Variants in FHOD1 observed in about 807,000 individuals in gnomAD.
FHOD1 encodes the protein FH1/FH2 domain-containing protein 1.
FHOD1 carries 89 observed loss-of-function variants against 111.6 expected under a neutral mutation model. The ratio of observed to expected loss-of-function variants is 0.80; its 90% CI spans 0.67 to 0.95. FHOD1 has a LOEUF of 0.95. FHOD1 is among the 40% of genes least tolerant of loss of function. FHOD1 has a pLI of 0.00. For missense variants in FHOD1, 1,446 were observed against 1,554.2 expected, an observed-to-expected ratio of 0.93 and a Z score of 1.17; for synonymous variants, 618 against 639.0, an observed-to-expected ratio of 0.97 and a Z score of 0.50.
At position 67,236,721 on chromosome 16, in the gene FHOD1, G is replaced by A. The variant is rs1200957869; in HGVS notation, c.1155C>T (p.Pro385=). 2 of 1,551,174 alleles carry A rather than the reference G, an allele frequency of 1.3e-6. No homozygotes were observed. Among genetic ancestry groups the A allele is most frequent in the African/African-American group, 1.4e-5 (1 of 73,426 alleles). ...AAGAGGTGGGGCCTACCGGTGAGGCGGGGCCTGTGGGGCTGAAAGCAGGGG... is the reference window on the plus strand; with the variant it reads ...AAGAGGTGGGGCCTACCGGTGAGGCAGGGCCTGTGGGGCTGAAAGCAGGGG... ...ARAPEPGPTG[P]ASPVGPTSST... Residue 385 remains proline (P), a synonymous_variant, in exon 11 of 22, where the codon CCC becomes CCT. Coordinates refer to ENST00000258201, the MANE Select transcript of FHOD1 (RefSeq NM_013241.3).
Position 67,230,341 on chromosome 16 carries a change from G to C in FHOD1, c.3024C>G (p.Asn1008Lys), listed in dbSNP as rs747184984. The C allele has an allele frequency of 3.7e-6, 6 of 1,614,136 alleles. No individual in the cohort carries two copies. The Admixed American group carries it at 8.3e-5, about 22-fold the overall frequency. Residue 1008 changes from asparagine (N) to lysine (K), a missense_variant, in exon 19 of 22, where the codon AAC becomes AAG. Around this residue, in one of 3 missense-constraint regions of FHOD1, gnomAD observed 1,085 missense variants for 1,108.8 expected, o/e 0.98. Coordinates refer to ENST00000258201, the MANE Select transcript of FHOD1 (RefSeq NM_013241.3). ...CGGTGATCATGCGTCCCCGGGTCTT[G>C]TTGCGCTCACGGTATGTGGCCTGCT... ...QQKQATYRER[N>K]KTRGRMITET...
rs1466130979 is a variant in FHOD1 at position 67,229,699 on chromosome 16, A to T, written c.3432T>A (p.Ser1144Arg). 6 of 1,613,938 alleles carry T rather than the reference A, an allele frequency of 3.7e-6. No homozygotes were observed. The highest frequency in any genetic ancestry group is 1.1e-5 in the South Asian group (1 of 91,068). The change falls in exon 22 of 22, where the codon AGT becomes AGA. Residue 1144 changes from serine to arginine, a missense_variant. By Grantham distance (110) the Ser-to-Arg change is moderately radical. Coordinates refer to ENST00000258201, the MANE Select transcript of FHOD1 (RefSeq NM_013241.3). ...NRKSLRRTLK[S>R]GLGDDLVQAL... ...CCTGCACCAGGTCATCTCCGAGCCC[A>T]CTCTTCAACGTCCTTCTCACTGCAG...
In FHOD1 at chr16:67,234,401, T is replaced by C. The variant is rs2034403086; in HGVS notation, c.1391A>G (p.Glu464Gly). Reference sequence around the variant, plus strand: ...ATTGGGCATGGCCCCGGCAAGTGTCTCTGCCCGGCCCTGGGCCAGCGCAAC... The same window carrying C: ...ATTGGGCATGGCCCCGGCAAGTGTCCCTGCCCGGCCCTGGGCCAGCGCAAC... ...KQVALAQGRA[E>G]TLAGAMPNEA... Residue 464 changes from glutamate to glycine, a missense_variant, in exon 12 of 22, where the codon GAG becomes GGG. By Grantham distance (98) the Glu-to-Gly change is moderately conservative. Transcript: ENST00000258201. 3 of 1,610,138 alleles carry C rather than the reference T, an allele frequency of 1.9e-6. No individual in the cohort carries two copies. The highest frequency in any genetic ancestry group is 2.7e-5 in the African/African-American group (2 of 74,884).
Position 67,230,600 on chromosome 16 carries a change from C to G in FHOD1, c.2858+1G>C. 6.2e-7 allele frequency: 1 copy of G among 1,614,108 alleles called. No individual in the cohort carries two copies. On this transcript the variant is annotated splice_donor_variant, in intron 18 of 21. Coordinates refer to ENST00000258201, the MANE Select transcript of FHOD1 (RefSeq NM_013241.3). LOFTEE classifies it high-confidence loss of function. ...TGCCTCTCTTGGGTCCATGCCCCTA[C>G]CTATTGCAGACACGGCGGTGCACTA...
rs764707329 is a variant in FHOD1, at chr16:67,238,127, C to T, written c.549G>A (p.Ala183=). 21 of 1,614,094 alleles carry T rather than the reference C, an allele frequency of 1.3e-5. No individual in the cohort carries two copies. The highest frequency in any genetic ancestry group is 6.6e-5 in the South Asian group (6 of 91,076). ...DHNYQSYILR[A]LGQLMLFVDG... is the part of the protein sequence containing the mutation. ...CCACAAAGAGCATCAGCTGGCCGAG[C>T]GCTGGGGAAACAGGGATGGGCAGAG... The change falls in exon 6 of 22, where the codon GCG becomes GCA. Residue 183 remains alanine (A), a splice_region_variant and synonymous_variant. Transcript: ENST00000258201. The surrounding 1 kb of genome is among the most constrained non-coding windows in gnomAD (Gnocchi z 4.2).
intron 1 of FHOD1, 180 bp downstream of exon 1, chr16:67,247,030 C>T (rs923856226): frequency 1.0e-5 from 7 of 674,514 alleles, no homozygotes; most frequent in Non-Finnish European, 9.4e-6. Context: ...TTCAGTTTCC[C>T]CTCAACTTGA....
In FHOD1 at chr16:67,232,174, C is replaced by T. The variant is rs750309031; in HGVS notation, c.2067G>A (p.Arg689=). 5.6e-6 allele frequency: 9 copies of T among 1,614,000 alleles called. No individual in the cohort carries two copies. In the South Asian group the frequency reaches 9.9e-5, roughly 18 times the overall value. Reference sequence around the variant, plus strand: ...TGGGGTCCAGCACTGTGGTCATTGTCCGGCGGCCCTCTCCAGCTTTCTGCA... The same window carrying T: ...TGGGGTCCAGCACTGTGGTCATTGTTCGGCGGCCCTCTCCAGCTTTCTGCA... The part of the protein sequence containing the change: ...LPSKKAGEGR[R]TMTTVLDPKR... The change falls in exon 14 of 22, where the codon CGG becomes CGA. Residue 689 remains arginine (R), a synonymous_variant. Transcript: ENST00000258201.
At chr16:67,239,897 G>C (rs1186181237) in intron 1 of FHOD1, among the ~76,000 whole-genome samples, 1 of 152,222 alleles carries the variant, frequency 6.6e-6, no homozygotes, top group African/African-American at 2.4e-5. Context: ...ACTAGGACTT[G>C]TTGAGCTAAT....
Position 67,229,420 on chromosome 16 carries a change from C to T in FHOD1, c.*216G>A, listed in dbSNP as rs950990975. 32 of 598,710 alleles carry T rather than the reference C, an allele frequency of 5.3e-5. 1 individual carries two copies. The highest frequency in any genetic ancestry group is 2.0e-4 in the African/African-American group (11 of 53,782). The allele number at this position is 598,710 out of a possible 1,614,324, so 37.1% of individuals were successfully genotyped here. ...TAGCTAAGAAAATTTTATTTTGCTC[C>T]GTGCGTTCAAGGAGCTCACACACAT... On this transcript the variant is annotated 3_prime_UTR_variant, in exon 22 of 22. Coordinates refer to ENST00000258201, the MANE Select transcript of FHOD1 (RefSeq NM_013241.3).
chr16:67,237,493 C>T lies in FHOD1; in HGVS notation c.831G>A (p.Thr277=), dbSNP rs145003261. Residue 277 remains threonine, a synonymous_variant, in exon 8 of 22, where the codon ACG becomes ACA. Transcript: ENST00000258201. This position sits in a 1 kb window ranked among gnomAD's most constrained non-coding sequence, Gnocchi z 5.6. ...GCCACACCTTGTTGATGAGGGTGAC[C>T]GTGTACACCAACAACTCAGGGTCAG... The part of the protein sequence containing the change: ...NGADPELLVY[T]VTLINKTLAA... The T allele has an allele frequency of 1.5e-5, 25 of 1,614,118 alleles. No individual in the cohort carries two copies. The highest frequency in any genetic ancestry group is 1.9e-5 in the Non-Finnish European group (22 of 1,180,036).
At position 67,229,523 on chromosome 16, in the gene FHOD1, A is replaced by G. The variant is rs895051108; in HGVS notation, c.*113T>C. 7 of 922,362 alleles carry G rather than the reference A, an allele frequency of 7.6e-6. No individual in the cohort carries two copies. Among genetic ancestry groups the G allele is most frequent in the Non-Finnish European group, 1.2e-5 (7 of 560,320 alleles). 57.1% of individuals were successfully genotyped at this position (922,362 alleles called of 1,614,324 possible). ...ACACACGGCTAATACTGCTCAAGGC[A>G]TGGCTCCTGGGCACAGAGTTCTGGG... On this transcript the variant is annotated 3_prime_UTR_variant, in exon 22 of 22. Transcript: ENST00000258201.
At chr16:67,239,004 A>G (rs771398412) in intron 2 of FHOD1, 37 bp from the exon 3 acceptor site, 1 of 1,602,478 alleles carries the variant, frequency 6.2e-7, no homozygotes, top group South Asian at 1.1e-5. Flanking sequence ...CTCCCAGCCT[A>G]TCCCTCAGCA....
chr16:67,237,338 C>T lies in FHOD1; in HGVS notation c.894G>A (p.Thr298=), dbSNP rs1311997059. 6.2e-7 allele frequency: 1 copy of T among 1,614,100 alleles called. No individual in the cohort carries two copies. The highest frequency in any genetic ancestry group is 1.1e-5 in the South Asian group (1 of 91,078). The change falls in exon 9 of 22, where the codon ACG becomes ACA. Residue 298 remains threonine, a synonymous_variant. Transcript: ENST00000258201. This position sits in a 1 kb window ranked among gnomAD's most constrained non-coding sequence, Gnocchi z 5.6. The part of the protein sequence containing the change: ...LPDQDSFYDV[T]DALEQQGMEA... ...CCATGCCCTGCTGCTCCAGTGCATC[C>T]GTCACATCGTAGAAGGAGTCCTGGT...
At position 67,238,980 on chromosome 16, in the gene FHOD1, A is replaced by C. The variant is rs757989017; in HGVS notation, c.309-13T>G. The C allele has an allele frequency of 2.5e-6, 4 of 1,613,922 alleles. No individual in the cohort carries two copies. Among genetic ancestry groups the C allele is most frequent in the Non-Finnish European group, 3.4e-6 (4 of 1,179,856 alleles). On this transcript the variant is annotated splice_polypyrimidine_tract_variant and intron_variant, in intron 2 of 21. Coordinates refer to ENST00000258201, the MANE Select transcript of FHOD1 (RefSeq NM_013241.3). The surrounding 1 kb of genome is among the most constrained non-coding windows in gnomAD (Gnocchi z 4.2). ...CTTCCGCCCTTTGCTGGAATCAAGGATCTCTGTTAGCAGCTCCCAGCCTAT... is the reference window on the plus strand; with the variant it reads ...CTTCCGCCCTTTGCTGGAATCAAGGCTCTCTGTTAGCAGCTCCCAGCCTAT...
At chr16:67,241,369 C>A (rs1262422733) in intron 1 of FHOD1, among the ~76,000 whole-genome samples, 1 of 152,142 alleles carries the variant, frequency 6.6e-6, no homozygotes, top group Non-Finnish European at 1.5e-5. Flanking sequence ...CCACATTCCT[C>A]CTGATCTCTT....
At chr16:67,235,764 C>T (rs2034453257) in intron 11 of FHOD1, among the ~76,000 whole-genome samples, 1 of 152,152 alleles carries the variant, frequency 6.6e-6, no homozygotes, top group African/African-American at 2.4e-5. Context: ...CAGAATGAGC[C>T]CCAGGTTGGG....
chr16:67,234,474 T>C lies in FHOD1; in HGVS notation c.1320-2A>G, dbSNP rs2034407389. The stretch of plus-strand genomic sequence containing the variant: ...GCCACATTCTCCAGGAACCGGGCTC[T>C]GAGGGAAGGTGCTTGTCACTGACAG... On this transcript the variant is annotated splice_acceptor_variant, in intron 11 of 21. Transcript: ENST00000258201. LOFTEE classifies it high-confidence loss of function. 2.5e-6 allele frequency: 4 copies of C among 1,575,872 alleles called. No homozygotes were observed. The East Asian group carries it at 9.4e-5, about 37-fold the overall frequency.
chr16:67,237,919 A>T lies in FHOD1; in HGVS notation c.642+115T>A. 7.6e-7 allele frequency: 1 copy of T among 1,320,838 alleles called. No individual in the cohort carries two copies. The highest frequency in any genetic ancestry group is 1.1e-6 in the Non-Finnish European group (1 of 928,442). The allele number at this position is 1,320,838 out of a possible 1,614,324, so 81.8% of individuals were successfully genotyped here. The stretch of plus-strand genomic sequence containing the variant: ...AGGCCCAGGCACTGAAGTGCCTTAT[A>T]GGCTTACAGAGGCCTCAGACTCACT... On this transcript the variant is annotated intron_variant, in intron 6 of 21. Transcript: ENST00000258201. The surrounding 1 kb of genome is among the most constrained non-coding windows in gnomAD (Gnocchi z 5.6).
rs767451584 is a variant in FHOD1 at position 67,232,173 on chromosome 16, T to G, written c.2068A>C (p.Thr690Pro). ...TTGGGGTCCAGCACTGTGGTCATTG[T>G]CCGGCGGCCCTCTCCAGCTTTCTGC... Reference protein sequence around the residue: ...PSKKAGEGRRTMTTVLDPKRS... With the variant: ...PSKKAGEGRRPMTTVLDPKRS... Residue 690 changes from threonine (T) to proline (P), a missense_variant, in exon 14 of 22, where the codon ACA (threonine) becomes CCA (proline). Physicochemically the swap from Thr to Pro is conservative, Grantham distance 38 (BLOSUM62 -1). This residue lies in a region of FHOD1 where 1,085 missense variants were observed against 1,108.8 expected (regional missense o/e 0.98). Transcript: ENST00000258201. The G allele has an allele frequency of 6.2e-7, 1 of 1,614,050 alleles. No individual in the cohort carries two copies. The highest frequency in any genetic ancestry group is 2.2e-5 in the East Asian group (1 of 44,890).
Sources: allele counts gnomAD v4.1 joint callset (sites outside exome capture counted in the v4.1 genomes callset), GRCh38; gene constraint gnomAD v4.1.1; regional missense constraint gnomAD v4.1.1; non-coding constraint Gnocchi (gnomAD v3.1); transcripts MANE v1.5; gene names NCBI Gene and HGNC (gene_info 2026-07-23, HGNC 2026-07-21).